Variants in NSD1 observed in about 807,000 individuals in gnomAD.
NSD1 encodes the protein histone-lysine N-methyltransferase, H3 lysine-36 specific.
In NSD1, 26 loss-of-function variants were observed where a neutral mutation model predicts 242.7. The ratio of observed to expected loss-of-function variants is 0.11; its 90% confidence interval spans 0.08 to 0.15. The LOEUF is 0.15. Ranked by LOEUF, NSD1 falls within the 10% of genes least tolerant of loss-of-function variation. The pLI is 1.00. For synonymous variants in NSD1, 1,106 were observed against 1,178.1 expected (o/e 0.94, Z 1.25); for missense variants, 2,495 against 3,272.8 (o/e 0.76, Z 5.80).
intron 9 of NSD1, among the ~76,000 whole-genome samples, chr5:177,245,040 C>T (rs960330281): frequency 6.6e-6 from 1 of 152,040 alleles, no homozygotes; most frequent in African/African-American, 2.4e-5. Flanking sequence ...TTAGTGAGAC[C>T]CTGTCTCTAT....
Position 177,297,925 on chromosome 5 carries a change from C to G in NSD1, c.*2466C>G, listed in dbSNP as rs1050516406. The G allele has an allele frequency of 4.7e-5, 11 of 232,946 alleles. No homozygotes were observed. The highest frequency in any genetic ancestry group is 2.5e-3 in the Middle Eastern group (2 of 808). 14.4% of individuals were successfully genotyped at this position (232,946 alleles called of 1,614,324 possible). On this transcript the variant is annotated 3_prime_UTR_variant, in exon 23 of 23. Coordinates refer to ENST00000439151, the MANE Select transcript of NSD1 (RefSeq NM_022455.5). ...ACAGCTTCTGAGCCATTTTGGGGAG[C>G]AGTTCTTCATCTGAATGGATGGACA...
intron 12 of NSD1, among the ~76,000 whole-genome samples, chr5:177,252,337 A>G (rs1036623947): frequency 7.2e-5 from 11 of 152,152 alleles, no homozygotes; most frequent in Non-Finnish European, 1.5e-4. Context: ...TAGTGATTAC[A>G]TGAGCATGTT....
At chr5:177,187,531 A>G (rs765667432) in intron 2 of NSD1, among the ~76,000 whole-genome samples, 20 of 152,186 alleles carry the variant, frequency 1.3e-4, no homozygotes, top group Non-Finnish European at 2.9e-5. Flanking sequence ...TTGTAATGCA[A>G]TACCACAAAC....
intron 2 of NSD1, among the ~76,000 whole-genome samples, chr5:177,183,632 A>T (rs1463453175): frequency 6.6e-6 from 1 of 152,194 alleles, no homozygotes; most frequent in Non-Finnish European, 1.5e-5. Flanking sequence ...CAATCTAATT[A>T]TACCCTTTTT....
At chr5:177,249,304 G>A in intron 11 of NSD1, among the ~76,000 whole-genome samples, 1 of 152,002 alleles carries the variant, frequency 6.6e-6, no homozygotes, top group East Asian at 1.9e-4. Context: ...CGAGACCCCT[G>A]TCTCTATTTT....
intron 14 of NSD1, chr5:177,264,804 C>A (rs1424736799): frequency 4.0e-6 from 3 of 750,838 alleles, no homozygotes; most frequent in Non-Finnish European, 7.3e-6. Context: ...GCACCCAGTA[C>A]ATGTTCTGTA....
intron 4 of NSD1, among the ~76,000 whole-genome samples, chr5:177,206,900 T>C (rs1344945352): frequency 6.6e-6 from 1 of 151,874 alleles, no homozygotes; most frequent in African/African-American, 2.4e-5. Context: ...CGTTTGATCC[T>C]TTCTTTAAGA....
chr5:177,227,415 TAAC>T (rs1051138822), intron 5 of NSD1, among the ~76,000 whole-genome samples: 3 of 152,208 alleles, frequency 2.0e-5, no homozygotes, highest in African/African-American at 7.2e-5. Flanking sequence ...GGCAGGATGA[TAAC>T]AATATTCATT....
intron 4 of NSD1, among the ~76,000 whole-genome samples, chr5:177,207,905 A>AGTGTGTGTGT (rs145605083): frequency 6.7e-6 from 1 of 149,258 alleles, no homozygotes; most frequent in South Asian, 2.1e-4. Context: ...ATGTCCAGCT[A>AGTGTGTGTGT]GTGTGTGTGT....
intron 5 of NSD1, among the ~76,000 whole-genome samples, chr5:177,219,122 T>G (rs1293316306): frequency 1.3e-5 from 2 of 152,106 alleles, no homozygotes; most frequent in Admixed American, 1.3e-4. Flanking sequence ...AAACTTTGTT[T>G]TTCAATGTTG....
Position 177,135,982 on chromosome 5 carries a change from A to T in NSD1, c.879A>T (p.Leu293=), listed in dbSNP as rs757944662. Residue 293 remains leucine (L), a synonymous_variant, in exon 2 of 23, where the codon CTA becomes CTT. Transcript: ENST00000439151. ...GTACCAGTACATTAGGAAACATGCT[A>T]GAATTACCTGGAACTTCATCATCAT... The part of the protein sequence containing the change: ...DSSTSTLGNM[L]ELPGTSSSST... 6.2e-7 allele frequency: 1 copy of T among 1,614,172 alleles called. No homozygotes were observed. The highest frequency in any genetic ancestry group is 8.5e-7 in the Non-Finnish European group (1 of 1,180,032).
At chr5:177,154,574 C>T (rs1470990353) in intron 2 of NSD1, among the ~76,000 whole-genome samples, 1 of 152,144 alleles carries the variant, frequency 6.6e-6, no homozygotes, top group Non-Finnish European at 1.5e-5. Flanking sequence ...CTTGTGCTTT[C>T]CCGGAGACCA....
intron 3 of NSD1, among the ~76,000 whole-genome samples, chr5:177,202,563 G>A (rs1051103908): frequency 6.6e-6 from 1 of 152,022 alleles, no homozygotes; most frequent in Admixed American, 6.6e-5. Context: ...ATTTTTAGTA[G>A]AGATAGGGTC....
intron 2 of NSD1, among the ~76,000 whole-genome samples, chr5:177,157,480 T>C (rs1027871539): frequency 6.0e-5 from 9 of 151,066 alleles, no homozygotes; most frequent in African/African-American, 1.9e-4. Context: ...GGCAGATCAC[T>C]TGAGGTCAGG....
chr5:177,298,404 C>G lies in NSD1; in HGVS notation c.*2945C>G, dbSNP rs919861598. On this transcript the variant is annotated 3_prime_UTR_variant, in exon 23 of 23. Transcript: ENST00000439151. ...GTAGCTAGAAAGCCAATACATCTAG[C>G]CCTGCTAAGTCAGAAAAAGATTATG... is the stretch of plus-strand genomic sequence containing the variant. 4.3e-6 allele frequency: 1 copy of G among 233,212 alleles called. No homozygotes were observed. The highest frequency in any genetic ancestry group is 2.2e-5 in the African/African-American group (1 of 45,434). The allele number at this position is 233,212 out of a possible 1,614,324, so 14.4% of individuals were successfully genotyped here. A position where few individuals can be genotyped will look rare whatever the true frequency, so the allele number is the denominator to read the frequency against.
chr5:177,294,490 A>G lies in NSD1; in HGVS notation c.7122A>G (p.Ser2374=), dbSNP rs760945240. 6.2e-7 allele frequency: 1 copy of G among 1,614,176 alleles called. No individual in the cohort carries two copies. Among genetic ancestry groups the G allele is most frequent in the East Asian group, 2.2e-5 (1 of 44,884 alleles). Residue 2374 remains serine (S), a synonymous_variant, in exon 23 of 23, where the codon TCA becomes TCG. Transcript: ENST00000439151. The stretch of plus-strand genomic sequence containing the variant: ...GTGCTGCCAGCCCAAGGCCCCAGTC[A>G]CTGGAGAAAACCTCAGTTCCCACTG... ...SIGAASPRPQ[S]LEKTSVPTGL... is the part of the protein sequence containing the mutation.
intron 14 of NSD1, among the ~76,000 whole-genome samples, chr5:177,263,548 A>G (rs1325375258): frequency 6.6e-6 from 1 of 152,234 alleles, no homozygotes; most frequent in African/African-American, 2.4e-5. Context: ...TTCTTGAAGT[A>G]AAACACCTTA....
intron 2 of NSD1, among the ~76,000 whole-genome samples, chr5:177,138,370 C>T (rs903316055): frequency 6.6e-6 from 1 of 152,000 alleles, no homozygotes; most frequent in Non-Finnish European, 1.5e-5. Flanking sequence ...ATTCTCCCAC[C>T]TCAGCCTCCC....
chr5:177,264,934 TATC>T lies in NSD1; in HGVS notation c.5147-2625_5147-2623del, dbSNP rs1757297975. 4 of 880,284 alleles carry T rather than the reference TATC, an allele frequency of 4.5e-6. No homozygotes were observed. The East Asian group carries it at 7.2e-5, about 16-fold the overall frequency. 54.5% of individuals were successfully genotyped at this position (880,284 alleles called of 1,614,324 possible). On this transcript the variant is annotated intron_variant, in intron 14 of 22. Transcript: ENST00000439151. ...TCAAAAAGGAATGCCCCACAAGTGT[TATC>T]ATGGCAAAACTGGAAGAGTCTACAG... is the stretch of plus-strand genomic sequence containing the variant.
Sources: allele counts gnomAD v4.1 joint callset (sites outside exome capture counted in the v4.1 genomes callset), GRCh38; gene constraint gnomAD v4.1.1; transcripts MANE v1.5; gene names NCBI Gene and HGNC (gene_info 2026-07-23, HGNC 2026-07-21).